The following DLG2 variants were observed in gnomAD, a reference collection of about 807,000 sequenced individuals.
The protein encoded by DLG2 is discs large MAGUK scaffold protein 2, also known as disks large homolog 2.
DLG2 carries 45 observed loss-of-function variants against 132.5 expected under a neutral mutation model. The ratio of observed to expected loss-of-function variants is 0.34; its 90% CI spans 0.27 to 0.44. The LOEUF is 0.44. Ranked by LOEUF, DLG2 falls within the 20% of genes least tolerant of loss-of-function variation. The pLI is 1.00. For missense variants in DLG2, 1,045 were observed against 1,196.9 expected (o/e 0.87, Z 1.87); for synonymous variants, 424 against 419.6 (o/e 1.01, Z -0.13).
chr11:84,000,771 T>TTAAGAA (rs2094304860), intron 11 of DLG2, among the ~76,000 whole-genome samples: 2 of 151,910 alleles, frequency 1.3e-5, no homozygotes, highest in Non-Finnish European at 2.9e-5. Flanking sequence ...TTATCCTTAA[T>TTAAGAA]AAATTAAGAA....
At chr11:84,120,488 G>A (rs1443020977) in intron 9 of DLG2, among the ~76,000 whole-genome samples, 1 of 152,156 alleles carries the variant, frequency 6.6e-6, no homozygotes, top group Non-Finnish European at 1.5e-5. Context: ...AAAGGTTGTA[G>A]CAGTATCACT....
At chr11:84,279,716 C>T (rs2097831774) in intron 7 of DLG2, among the ~76,000 whole-genome samples, 1 of 152,066 alleles carries the variant, frequency 6.6e-6, no homozygotes, top group African/African-American at 2.4e-5. Context: ...GAAGAAAAAA[C>T]CAAACACCAC....
At chr11:83,487,864 T>A (rs1465572520) in intron 21 of DLG2, among the ~76,000 whole-genome samples, 1 of 151,976 alleles carries the variant, frequency 6.6e-6, no homozygotes, top group Non-Finnish European at 1.5e-5. Context: ...AATTGCCCAT[T>A]AACTGGCAAA....
rs571429946 is a variant in DLG2 at position 85,168,868 on chromosome 11, T to G, written c.187-14217A>C. Among the ~76,000 whole-genome samples, 3 of 152,270 alleles carry G rather than the reference T, an allele frequency of 2.0e-5. No homozygotes were observed. The East Asian group carries it at 5.8e-4, about 29-fold the overall frequency. ...ACCTTTAAAAAGTCTGGCTGACTACTATGCAGGTATGCAAATAATAAAAAA... is the reference window on the plus strand; with the variant it reads ...ACCTTTAAAAAGTCTGGCTGACTACGATGCAGGTATGCAAATAATAAAAAA... On this transcript the variant is annotated intron_variant, in intron 4 of 27. Transcript: ENST00000376104.
chr11:85,504,058 G>GT (rs1437631812), intron 3 of DLG2, among the ~76,000 whole-genome samples: 1 of 152,148 alleles, frequency 6.6e-6, no homozygotes, highest in Admixed American at 6.6e-5. Context: ...TGAGGGGGAT[G>GT]TTTGATTTTT....
rs914474710 is a variant in DLG2, at chr11:83,456,022, G to C, written c.*3796C>G. 1 of 152,620 alleles carries C rather than the reference G, an allele frequency of 6.6e-6. No homozygotes were observed. The highest frequency in any genetic ancestry group is 2.4e-5 in the African/African-American group (1 of 41,426). 9.5% of individuals were successfully genotyped at this position (152,620 alleles called of 1,614,324 possible). On this transcript the variant is annotated 3_prime_UTR_variant, in exon 28 of 28. Transcript: ENST00000376104. ...AATCACCAGCTGAAAAGCAGAGGGG[G>C]CTTCACATAAAAATGGGAAAAAGAA...
chr11:84,306,280 AAAAAT>A (rs2098217317), intron 7 of DLG2, among the ~76,000 whole-genome samples: 1 of 152,180 alleles, frequency 6.6e-6, no homozygotes, highest in African/African-American at 2.4e-5. Flanking sequence ...TTTGTCAATT[AAAAAT>A]AAAATAAAAC....
At chr11:84,041,519 T>C (rs1352686879) in intron 11 of DLG2, among the ~76,000 whole-genome samples, 2 of 151,982 alleles carry the variant, frequency 1.3e-5, no homozygotes. Flanking sequence ...CTTGTACTTT[T>C]AACTTGCAAT....
At chr11:84,805,861 T>C (rs2075936488) in intron 6 of DLG2, among the ~76,000 whole-genome samples, 1 of 152,134 alleles carries the variant, frequency 6.6e-6, no homozygotes, top group African/African-American at 2.4e-5. Flanking sequence ...AATGAACTAA[T>C]ACAAATGCCA....
At chr11:84,626,801 C>T (rs893771947) in intron 6 of DLG2, among the ~76,000 whole-genome samples, 1 of 151,162 alleles carries the variant, frequency 6.6e-6, no homozygotes, top group Non-Finnish European at 1.5e-5. Context: ...TCCACACCTG[C>T]TATATTTATA....
chr11:83,982,242 A>C (rs1467025028), intron 11 of DLG2, among the ~76,000 whole-genome samples: 1 of 152,114 alleles, frequency 6.6e-6, no homozygotes, highest in Admixed American at 6.6e-5. Flanking sequence ...ATTAAAAAAA[A>C]TGTTAATTGT....
intron 6 of DLG2, among the ~76,000 whole-genome samples, chr11:84,723,498 T>A (rs2062064288): frequency 6.6e-6 from 1 of 152,320 alleles, no homozygotes; most frequent in African/African-American, 2.4e-5. Context: ...TTTCCCTTAA[T>A]TCTCCTCTCC....
At chr11:84,034,993 G>C (rs1037004832) in intron 11 of DLG2, among the ~76,000 whole-genome samples, 1 of 152,068 alleles carries the variant, frequency 6.6e-6, no homozygotes, top group Non-Finnish European at 1.5e-5. Flanking sequence ...CACGGCTTAA[G>C]AGATGACCCA....
At chr11:84,505,821 G>C (rs1200461293) in intron 7 of DLG2, among the ~76,000 whole-genome samples, 1 of 151,732 alleles carries the variant, frequency 6.6e-6, no homozygotes. Flanking sequence ...AGATTAGAAT[G>C]AAAAACAAAA....
chr11:84,588,289 C>T (rs1029866269), intron 6 of DLG2, among the ~76,000 whole-genome samples: 4 of 152,190 alleles, frequency 2.6e-5, no homozygotes, highest in African/African-American at 9.7e-5. Flanking sequence ...GCAACTCCTA[C>T]TAATCTTCCA....
chr11:83,929,342 G>GA (rs1027201042), intron 15 of DLG2, among the ~76,000 whole-genome samples: 2 of 152,190 alleles, frequency 1.3e-5, no homozygotes, highest in South Asian at 2.1e-4. Context: ...ATTCCTGTCT[G>GA]AAAAAATAAC....
intron 27 of DLG2, among the ~76,000 whole-genome samples, chr11:83,460,520 C>G (rs1474233787): frequency 2.6e-5 from 4 of 152,136 alleles, no homozygotes; most frequent in Non-Finnish European, 5.9e-5. Flanking sequence ...CATAAGTCCA[C>G]TATTTATAAG....
intron 18 of DLG2, among the ~76,000 whole-genome samples, chr11:83,779,884 AG>A (rs1219190036): frequency 6.6e-6 from 1 of 152,230 alleles, no homozygotes; most frequent in Non-Finnish European, 1.5e-5. Context: ...AAAACTTTCA[AG>A]TAATGAAACT....
chr11:84,693,470 C>T (rs1271117866), intron 6 of DLG2, among the ~76,000 whole-genome samples: 5 of 151,702 alleles, frequency 3.3e-5, no homozygotes, highest in East Asian at 1.9e-4. Flanking sequence ...TAACCTGAAA[C>T]GTACTCTGAA....
Sources: gnomAD v4.1 joint callset for allele counts (sites outside exome capture counted in the v4.1 genomes callset) on GRCh38, gnomAD v4.1.1 for gene constraint, MANE v1.5 for transcripts, NCBI Gene and HGNC (gene_info 2026-07-23, HGNC 2026-07-21) for gene names.